Variants in MYO7A observed in about 807,000 individuals in gnomAD.
The protein encoded by MYO7A is myosin VIIA.
Under a neutral mutation model 263.8 loss-of-function variants are expected in MYO7A, and 210 were observed. The ratio of observed to expected loss-of-function variants is 0.80; its 90% CI spans 0.71 to 0.89. MYO7A has a LOEUF of 0.89. MYO7A is among the 40% of genes least tolerant of loss of function. The pLI is 0.00. For missense variants in MYO7A, 2,820 were observed against 2,968.3 expected (o/e 0.95, Z 1.16); for synonymous variants, 1,239 against 1,197.3 (o/e 1.03, Z -0.72).
At chr11:77,180,579 C>A in intron 22 of MYO7A, 98 bp downstream of exon 22, 1 of 1,068,442 alleles carries the variant, frequency 9.4e-7, no homozygotes, top group Non-Finnish European at 1.4e-6. Flanking sequence ...TGCAGCCTTC[C>A]TTCCATCCTT....
At chr11:77,206,052 A>G (rs761119882) in intron 40 of MYO7A, 45 bp from the exon 41 acceptor site, 2 of 1,477,792 alleles carry the variant, frequency 1.4e-6, no homozygotes, top group Non-Finnish European at 1.9e-6. Context: ...CCTGGTCTCC[A>G]CAGTCCCACG....
intron 24 of MYO7A, 63 bp from the exon 25 acceptor site, chr11:77,182,361 G>T: frequency 6.6e-7 from 1 of 1,523,106 alleles, no homozygotes; most frequent in Non-Finnish European, 8.8e-7. Context: ...AAACCGCCAG[G>T]TCATTTTGAC....
Position 77,147,660 on chromosome 11 carries a change from C to A in MYO7A, c.133-138C>A, listed in dbSNP as rs1951665474. On this transcript the variant is annotated intron_variant, in intron 3 of 48. Coordinates refer to ENST00000409709, the MANE Select transcript of MYO7A (RefSeq NM_000260.4). ...CCTGACTGAACCCTGTTAGAACTGA[C>A]AGTGTCTGGCTGCCAGAGAGGTCGA... is the stretch of plus-strand genomic sequence containing the variant. 5 of 1,079,998 alleles carry A rather than the reference C, an allele frequency of 4.6e-6. No individual in the cohort carries two copies. The East Asian group carries it at 1.3e-4, about 28-fold the overall frequency. 66.9% of individuals were successfully genotyped at this position (1,079,998 alleles called of 1,614,324 possible).
intron 15 of MYO7A, among the ~76,000 whole-genome samples, chr11:77,167,392 G>A (rs1953651936): frequency 6.6e-6 from 1 of 152,144 alleles, no homozygotes; most frequent in South Asian, 2.1e-4. Context: ...ACCTTGCAAG[G>A]CAGGAGGGAC....
At chr11:77,201,724 G>A (rs542302733) in intron 36 of MYO7A, 86 bp downstream of exon 36, 55 of 1,375,044 alleles carry the variant, frequency 4.0e-5, no homozygotes, top group African/African-American at 8.5e-5. Context: ...ATAGGTTAAC[G>A]GTCTAGTGCA....
rs201834743 is a variant in MYO7A, at chr11:77,184,686, C to T, written c.3474C>T (p.Ile1158=). Residue 1158 remains isoleucine (I), a synonymous_variant, in exon 27 of 49, where the codon ATC becomes ATT. Coordinates refer to ENST00000409709, the MANE Select transcript of MYO7A (RefSeq NM_000260.4). ...TSNLEKLHFI[I]GNGILRPALR... is the part of the protein sequence containing the mutation. Reference sequence around the variant, plus strand: ...ACCTGGAGAAGCTGCACTTCATCATCGGCAATGGCATCCTGCGGCCAGCAC... The same window carrying T: ...ACCTGGAGAAGCTGCACTTCATCATTGGCAATGGCATCCTGCGGCCAGCAC... 200 of 1,599,362 alleles carry T rather than the reference C, an allele frequency of 1.3e-4. 1 individual carries two copies. The African/African-American group carries it at 2.4e-3, about 19-fold the overall frequency.
intron 1 of MYO7A, among the ~76,000 whole-genome samples, chr11:77,129,969 G>A (rs1297753875): frequency 1.3e-5 from 2 of 151,912 alleles, no homozygotes; most frequent in Non-Finnish European, 1.5e-5. Flanking sequence ...CTAGCGGGGC[G>A]GGCCCGGGCC....
chr11:77,199,391 A>T, intron 34 of MYO7A, 144 bp from the exon 35 acceptor site: 1 of 788,344 alleles, frequency 1.3e-6, no homozygotes, highest in Non-Finnish European at 1.8e-6. Flanking sequence ...AAGGAGAAGT[A>T]GGCCGGGCCA....
rs201234369 is a variant in MYO7A at position 77,177,579 on chromosome 11, C to G, written c.2218C>G (p.Arg740Gly). The change falls in exon 19 of 49, where the codon CGG becomes GGG. Residue 740 changes from arginine to glycine, a missense_variant. Arg to Gly is a moderately radical substitution (Grantham distance 125). Coordinates refer to ENST00000409709, the MANE Select transcript of MYO7A (RefSeq NM_000260.4). ...DHHDMLLEVE[R>G]DKAITDRVIL... ...CCATGACATGCTGCTGGAAGTGGAG[C>G]GGGACAAAGCCATCACCGACAGAGT... 3 of 1,611,890 alleles carry G rather than the reference C, an allele frequency of 1.9e-6. 1 individual carries two copies. The South Asian group carries it at 3.3e-5, about 18-fold the overall frequency.
intron 40 of MYO7A, 117 bp downstream of exon 40, chr11:77,205,734 G>T: frequency 7.3e-7 from 1 of 1,363,314 alleles, no homozygotes; most frequent in South Asian, 1.4e-5. Flanking sequence ...CACCCCTGGG[G>T]TACCTCAACT....
intron 4 of MYO7A, among the ~76,000 whole-genome samples, chr11:77,151,149 C>T (rs1288419725): frequency 6.6e-6 from 1 of 152,198 alleles, no homozygotes; most frequent in Non-Finnish European, 1.5e-5. Context: ...GAGGAAAGGC[C>T]CTCAGAGAAC....
chr11:77,199,266 G>T (rs1425760771), intron 34 of MYO7A, among the ~76,000 whole-genome samples: 1 of 152,208 alleles, frequency 6.6e-6, no homozygotes, highest in East Asian at 1.9e-4. Flanking sequence ...GACAGACATT[G>T]AATAGGCCAT....
intron 2 of MYO7A, among the ~76,000 whole-genome samples, chr11:77,135,543 G>T (rs1250827056): frequency 6.6e-6 from 1 of 152,188 alleles, no homozygotes; most frequent in African/African-American, 2.4e-5. Context: ...GGTGTGCAAA[G>T]ACCTCTTTGA....
intron 14 of MYO7A, 91 bp downstream of exon 14, chr11:77,163,079 A>G (rs1321402702): frequency 4.8e-6 from 7 of 1,460,240 alleles, no homozygotes; most frequent in Non-Finnish European, 5.6e-6. Context: ...GGAATTTTAA[A>G]GATTTTTAAA....
intron 26 of MYO7A, 33 bp from the exon 27 acceptor site, chr11:77,184,555 C>T (rs1555087063): frequency 6.5e-7 from 1 of 1,545,146 alleles, no homozygotes; most frequent in Non-Finnish European, 8.8e-7. Flanking sequence ...ACACCCCTAA[C>T]TTTACCTGCC....
intron 27 of MYO7A, among the ~76,000 whole-genome samples, chr11:77,185,481 G>A (rs150317241): frequency 0.013 from 1,993 of 152,268 alleles, 21 homozygotes; most frequent in Middle Eastern, 0.031. Flanking sequence ...CTCCATAAGA[G>A]GCAACTCCTC....
intron 4 of MYO7A, among the ~76,000 whole-genome samples, chr11:77,155,372 T>C (rs1056919164): frequency 6.6e-6 from 1 of 152,190 alleles, no homozygotes; most frequent in Non-Finnish European, 1.5e-5. Flanking sequence ...GGGGCAGTGC[T>C]ACAGAGAGTG....
chr11:77,178,228 C>CCCAT (rs1426304782), intron 19 of MYO7A, among the ~76,000 whole-genome samples: 6 of 123,396 alleles, frequency 4.9e-5, no homozygotes, highest in African/African-American at 1.5e-4. Flanking sequence ...CACCTATTCA[C>CCCAT]CCATCCATCC....
At position 77,147,853 on chromosome 11, in the gene MYO7A, C is replaced by T; in HGVS notation, c.188C>T (p.Ser63Leu). Residue 63 changes from serine to leucine, a missense_variant, in exon 4 of 49, where the codon TCG becomes TTG. Coordinates refer to ENST00000409709, the MANE Select transcript of MYO7A (RefSeq NM_000260.4). ...CACATCAAGCCTATGCACCCCACGT[C>T]GGTCCACGGCGTGGAGGACATGATC... ...ATHIKPMHPT[S>L]VHGVEDMIRL... is the part of the protein sequence containing the mutation. 1.2e-6 allele frequency: 2 copies of T among 1,608,794 alleles called. No homozygotes were observed. The highest frequency in any genetic ancestry group is 1.7e-6 in the Non-Finnish European group (2 of 1,178,290).
Sources: allele counts gnomAD v4.1 joint callset (sites outside exome capture counted in the v4.1 genomes callset), GRCh38; gene constraint gnomAD v4.1.1; transcripts MANE v1.5; gene names NCBI Gene and HGNC (gene_info 2026-07-23, HGNC 2026-07-21).